The following ZNF532 variants were observed in gnomAD, a reference collection of about 807,000 sequenced individuals.
ZNF532 encodes zinc finger protein 532.
A neutral mutation model predicts 89.3 loss-of-function variants in ZNF532; 22 were observed. The ratio of observed to expected loss-of-function variants is 0.25; its 90% CI spans 0.18 to 0.35. ZNF532 has a LOEUF of 0.35. Ranked by LOEUF, ZNF532 falls within the 10% of genes least tolerant of loss-of-function variation. The pLI, the probability that ZNF532 is intolerant of heterozygous loss-of-function variation, is 1.00. For synonymous variants in ZNF532, 606 were observed against 649.6 expected (o/e 0.93, Z 1.02); for missense variants, 1,132 against 1,643.4 (o/e 0.69, Z 5.38).
chr18:58,921,780 A>G (rs1175374064), intron 3 of ZNF532, among the ~76,000 whole-genome samples: 1 of 152,234 alleles, frequency 6.6e-6, no homozygotes, highest in East Asian at 1.9e-4. Context: ...AATTCGAGTT[A>G]GACCATGTGA....
rs1330008733 is a variant in ZNF532 at position 58,985,083 on chromosome 18, C to G, written c.*617C>G. On this transcript the variant is annotated 3_prime_UTR_variant, in exon 10 of 10. Coordinates refer to ENST00000591808, the MANE Select transcript of ZNF532 (RefSeq NM_001375912.1). ...CATGCCGAAGGGTGTTTAAAGCAGT[C>G]TTGCAGGTCGCTCCTTTCCCAGCCG... 2.0e-5 allele frequency: 3 copies of G among 152,208 alleles called. No homozygotes were observed. Among genetic ancestry groups the G allele is most frequent in the African/African-American group, 7.2e-5 (3 of 41,424 alleles). The allele number at this position is 152,208 out of a possible 1,614,324, so 9.4% of individuals were successfully genotyped here. A position where few individuals can be genotyped will look rare whatever the true frequency, so the allele number is the denominator to read the frequency against.
intron 5 of ZNF532, among the ~76,000 whole-genome samples, chr18:58,940,869 T>C (rs183096596): frequency 2.0e-5 from 3 of 150,548 alleles, no homozygotes; most frequent in South Asian, 4.2e-4. Context: ...TTTTTGCCCA[T>C]AACTCCATAA....
rs191291148 is a variant in ZNF532, at chr18:58,950,716, T to A, written c.2868+2487T>A. Among the ~76,000 whole-genome samples, 442 of 152,350 alleles carry A rather than the reference T, an allele frequency of 2.9e-3. 3 individuals are homozygous for A. The Middle Eastern group carries it at 0.044, about 15-fold the overall frequency. ...ATGTTGACATTTATATTTAAACTTTTGAGTTACAGACACTCATTCAAATTA... is the reference window on the plus strand; with the variant it reads ...ATGTTGACATTTATATTTAAACTTTAGAGTTACAGACACTCATTCAAATTA... On this transcript the variant is annotated intron_variant, in intron 6 of 9. Transcript: ENST00000591808.
chr18:58,960,575 C>CT (rs992800146), intron 7 of ZNF532, among the ~76,000 whole-genome samples: 45 of 152,314 alleles, frequency 3.0e-4, no homozygotes, highest in African/African-American at 1.0e-3. Context: ...TAGGCGAAGA[C>CT]TAAGAACATG....
chr18:58,981,699 G>T (rs1437628906), intron 9 of ZNF532, 82 bp downstream of exon 9: 5 of 1,554,278 alleles, frequency 3.2e-6, no homozygotes, highest in Non-Finnish European at 4.4e-6. Context: ...TCAAGTTTTT[G>T]TTGCATAGTT....
intron 2 of ZNF532, among the ~76,000 whole-genome samples, chr18:58,882,115 A>G (rs538459571): frequency 5.9e-5 from 9 of 152,080 alleles, no homozygotes; most frequent in Non-Finnish European, 8.8e-5. Context: ...GCACGCTGCC[A>G]TGTGTGGCTG....
chr18:58,940,372 C>G (rs2062883098), intron 5 of ZNF532: 2 of 152,138 alleles, frequency 1.3e-5, no homozygotes, highest in Admixed American at 6.5e-5. Flanking sequence ...GTATAAGTCC[C>G]TGATTAGTAA....
intron 3 of ZNF532, among the ~76,000 whole-genome samples, chr18:58,923,644 C>T (rs2061304253): frequency 6.6e-6 from 1 of 152,140 alleles, no homozygotes; most frequent in Admixed American, 6.5e-5. Flanking sequence ...AGAAAATAGC[C>T]TTTGTTTCAT....
chr18:58,903,945 C>T (rs577076406), intron 2 of ZNF532, among the ~76,000 whole-genome samples: 4 of 152,340 alleles, frequency 2.6e-5, no homozygotes, highest in African/African-American at 9.6e-5. Flanking sequence ...AAGAAAATTT[C>T]AGCATACATT....
In ZNF532 at chr18:58,985,656, T is replaced by C. The variant is rs1263424706; in HGVS notation, c.*1190T>C. 1 of 152,640 alleles carries C rather than the reference T, an allele frequency of 6.6e-6. No homozygotes were observed. Among genetic ancestry groups the C allele is most frequent in the African/African-American group, 2.4e-5 (1 of 41,454 alleles). 9.5% of individuals were successfully genotyped at this position (152,640 alleles called of 1,614,324 possible). ...CTTTATTAAAATGCAGCAGAGGTAC[T>C]CTTCTGTCCCTTCCGTTTATAGTTC... On this transcript the variant is annotated 3_prime_UTR_variant, in exon 10 of 10. Transcript: ENST00000591808.
upstream of ZNF532, chr18:58,863,793 C>G (rs1291898752): frequency 6.6e-6 from 1 of 152,010 alleles, no homozygotes; most frequent in Non-Finnish European, 1.5e-5. Flanking sequence ...GGGAGGCGGC[C>G]GGGGCGAACG....
At chr18:58,868,698 T>G (rs892471682) in intron 2 of ZNF532, among the ~76,000 whole-genome samples, 6 of 152,232 alleles carry the variant, frequency 3.9e-5, no homozygotes, top group Non-Finnish European at 7.3e-5. Context: ...GACATTAGGG[T>G]TGTTTCCAGT....
rs2058496483 is a variant in ZNF532 at position 58,888,713 on chromosome 18, A to ATATATATATATTT, written c.-18+23145_-18+23146insTTTATATATATAT. Among the ~76,000 whole-genome samples, 4 of 17,702 alleles carry ATATATATATATTT rather than the reference A, an allele frequency of 2.3e-4. 1 individual carries two copies. The highest frequency in any genetic ancestry group is 3.3e-4 in the Non-Finnish European group (3 of 9,176). 11.6% of individuals were successfully genotyped at this position (17,702 alleles called of 152,430 possible). On this transcript the variant is annotated intron_variant, in intron 2 of 9. Coordinates refer to ENST00000591808, the MANE Select transcript of ZNF532 (RefSeq NM_001375912.1). ...AAAAAAAAATTATATATATATATAT[A>ATATATATATATTT]TATATATATATAAATTATATATATA...
intron 2 of ZNF532, chr18:58,916,824 T>C: frequency 1.4e-6 from 1 of 703,856 alleles, no homozygotes; most frequent in Non-Finnish European, 1.7e-6. Flanking sequence ...AGAAATTCTC[T>C]CTTGACCCTG....
At chr18:58,929,742 ACAAC>A (rs1298016799) in intron 3 of ZNF532, among the ~76,000 whole-genome samples, 2 of 152,244 alleles carry the variant, frequency 1.3e-5, no homozygotes, top group Non-Finnish European at 2.9e-5. Context: ...CAAAACCAGC[ACAAC>A]CAACTAGCTC....
intron 7 of ZNF532, among the ~76,000 whole-genome samples, chr18:58,960,570 G>A (rs1369208668): frequency 2.6e-5 from 4 of 152,224 alleles, no homozygotes; most frequent in Non-Finnish European, 4.4e-5. Flanking sequence ...AGAACTAGGC[G>A]AAGACTAAGA....
At chr18:58,867,190 G>T (rs534303927) in intron 2 of ZNF532, among the ~76,000 whole-genome samples, 1 of 152,184 alleles carries the variant, frequency 6.6e-6, no homozygotes, top group East Asian at 1.9e-4. Context: ...AACTTTGACA[G>T]CTAACCCCTT....
intron 7 of ZNF532, among the ~76,000 whole-genome samples, chr18:58,963,602 AAT>A (rs1491536169): frequency 1.6e-5 from 2 of 125,004 alleles, no homozygotes; most frequent in Admixed American, 1.7e-4. Flanking sequence ...AAAAGAAAAA[AAT>A]GTGTGTGTGT....
chr18:58,878,625 G>A (rs754851536), intron 2 of ZNF532, among the ~76,000 whole-genome samples: 1 of 152,256 alleles, frequency 6.6e-6, no homozygotes, highest in Non-Finnish European at 1.5e-5. Flanking sequence ...CCGTGGCCCA[G>A]GTGGCTGAGG....
Sources: gnomAD v4.1 joint callset for allele counts (sites outside exome capture counted in the v4.1 genomes callset) on GRCh38, gnomAD v4.1.1 for gene constraint, MANE v1.5 for transcripts, NCBI Gene and HGNC (gene_info 2026-07-23, HGNC 2026-07-21) for gene names.